The following TH variants were observed in gnomAD, a reference collection of about 807,000 sequenced individuals.
The protein encoded by TH is tyrosine hydroxylase, also known as tyrosine 3-monooxygenase.
Under a neutral mutation model 57.4 loss-of-function variants are expected in TH, and 49 were observed. That is an observed-to-expected ratio of 0.85 (90% CI 0.68 to 1.08). TH has a LOEUF of 1.08. TH is among the 50% of genes least tolerant of loss of function. The pLI is 0.00. For missense variants in TH, 720 were observed against 696.7 expected (o/e 1.03, Z -0.38); for synonymous variants, 330 against 304.5 (o/e 1.08, Z -0.87).
In TH at chr11:2,171,183, C is replaced by T. The variant is rs1249792347; in HGVS notation, c.90+514G>A. ...GCCCAGATACCCTTTGAATTTTGCC[C>T]CCTATTTGCCCAGGACCCCCCACCA... On this transcript the variant is annotated intron_variant, in intron 1 of 12. Transcript: ENST00000352909. The surrounding 1 kb of genome is among the most constrained non-coding windows in gnomAD (Gnocchi z 8.6). Among the ~76,000 whole-genome samples, 3 of 151,972 alleles carry T rather than the reference C, an allele frequency of 2.0e-5. No homozygotes were observed. Among genetic ancestry groups the T allele is most frequent in the Admixed American group, 1.3e-4 (2 of 15,262 alleles).
At chr11:2,165,148 C>T (rs1167819637) in intron 12 of TH, 84 bp downstream of exon 12, 1 of 1,603,916 alleles carries the variant, frequency 6.2e-7, no homozygotes, top group Non-Finnish European at 8.5e-7. Flanking sequence ...CTCACAGGTC[C>T]AGCCCTGCTC....
Position 2,168,528 on chromosome 11 carries a change from C to G in TH, c.450G>C (p.Gln150His). ...CGGGGCTGCGCACGTCCTCTGACAC[C>G]TGGCGCACACCACTGAGCAGGGCGG... ...DLAALLSGVR[Q>H]VSEDVRSPAG... is the part of the protein sequence containing the mutation. The change falls in exon 3 of 13, where the codon CAG becomes CAC. Residue 150 changes from glutamine (Q) to histidine (H), a missense_variant. By Grantham distance (24) the Gln-to-His change is conservative (BLOSUM62 0). Transcript: ENST00000352909. The G allele has an allele frequency of 6.2e-7, 1 of 1,612,350 alleles. No homozygotes were observed.
intron 12 of TH, 104 bp from the exon 13 acceptor site, chr11:2,164,496 G>T: frequency 7.3e-7 from 1 of 1,363,198 alleles, no homozygotes. Context: ...CAGTGGCTCA[G>T]AGCTCCCAGG....
In TH at chr11:2,170,241, T is replaced by C. The variant is rs569702460; in HGVS notation, c.91-370A>G. 1.2e-4 allele frequency among the ~76,000 whole-genome samples: 19 copies of C among 152,198 alleles called. No individual in the cohort carries two copies. The highest frequency in any genetic ancestry group is 4.6e-4 in the African/African-American group (19 of 41,524). On this transcript the variant is annotated intron_variant, in intron 1 of 12. Coordinates refer to ENST00000352909, the MANE Select transcript of TH (RefSeq NM_000360.4). This position sits in a 1 kb window ranked among gnomAD's most constrained non-coding sequence, Gnocchi z 6.0. ...AAGAGGGCGATGTCTTGATGGACAG[T>C]GGCATCGGCTGCCGGGGAGGGAACG...
At chr11:2,167,694 G>C in intron 5 of TH, 172 bp downstream of exon 5, 2 of 1,111,612 alleles carry the variant, frequency 1.8e-6, no homozygotes, top group South Asian at 2.8e-5. Context: ...CTGGGCCTCA[G>C]TTTCCCCACT....
chr11:2,169,475 G>T (rs970861787), intron 2 of TH, among the ~76,000 whole-genome samples, 175 bp downstream of exon 2: 1 of 152,102 alleles, frequency 6.6e-6, no homozygotes, highest in East Asian at 1.9e-4. Context: ...AAACACGGGG[G>T]TGTGGCTAGA....
rs1021029193 is a variant in TH, at chr11:2,167,906, G to C, written c.604C>G (p.Arg202Gly). 6.2e-7 allele frequency: 1 copy of C among 1,611,164 alleles called. No homozygotes were observed. ...PGFSDQVYRQ[R>G]RKLIAEIAFQ... is the part of the protein sequence containing the mutation. ...GCGATCTCAGCAATCAGCTTCCTGC[G>C]CTGGCGGTACACCTGGTCCGAGAAG... Residue 202 changes from arginine to glycine, a missense_variant, in exon 5 of 13, where the codon CGC becomes GGC. Coordinates refer to ENST00000352909, the MANE Select transcript of TH (RefSeq NM_000360.4).
intron 10 of TH, 37 bp downstream of exon 10, chr11:2,165,965 C>T (rs1203260525): frequency 6.4e-7 from 1 of 1,552,376 alleles, no homozygotes; most frequent in African/African-American, 1.4e-5. Flanking sequence ...GACCCCCAAA[C>T]CCACACCCCA....
At position 2,168,566 on chromosome 11, in the gene TH, G is replaced by A. The variant is rs775175165; in HGVS notation, c.412C>T (p.Arg138Ter). 2.5e-5 allele frequency: 40 copies of A among 1,611,662 alleles called. No individual in the cohort carries two copies. The highest frequency in any genetic ancestry group is 3.1e-5 in the Non-Finnish European group (37 of 1,179,640). The change falls in exon 3 of 13, where the codon CGA (arginine) becomes TGA (stop). Residue 138 changes from arginine to a stop codon, truncating the protein, a stop_gained. Coordinates refer to ENST00000352909, the MANE Select transcript of TH (RefSeq NM_000360.4). LOFTEE classifies it high-confidence loss of function. ...CTGAGCAGGGCGGCCAGGTCCCCTC[G>A]GCGCACCTCGAGGCGCACGAAGTAC... ...LEYFVRLEVR[R>*]GDLAALLSGV... is the part of the protein sequence containing the mutation.
At position 2,169,858 on chromosome 11, in the gene TH, A is replaced by G. The variant is rs747420332; in HGVS notation, c.104T>C (p.Ile35Thr). Residue 35 changes from isoleucine (I) to threonine (T), a missense_variant, in exon 2 of 13, where the codon ATT becomes ACT. Coordinates refer to ENST00000352909, the MANE Select transcript of TH (RefSeq NM_000360.4). ...QAEAIMSPRFIGRRQSLIEDA... is the reference protein window; with the variant it reads ...QAEAIMSPRFTGRRQSLIEDA... Reference sequence around the variant, plus strand: ...CTCGATGAGGCTCTGCCTGCGCCCAATGAACCGCGGGGACTGTGGGGACAA... The same window carrying G: ...CTCGATGAGGCTCTGCCTGCGCCCAGTGAACCGCGGGGACTGTGGGGACAA... 79 of 1,609,678 alleles carry G rather than the reference A, an allele frequency of 4.9e-5. No homozygotes were observed. The highest frequency in any genetic ancestry group is 2.0e-4 in the Admixed American group (12 of 59,886).
chr11:2,164,499 C>T, intron 12 of TH, 107 bp from the exon 13 acceptor site: 9 of 1,322,794 alleles, frequency 6.8e-6, no homozygotes, highest in Non-Finnish European at 9.1e-6. Flanking sequence ...TGGCTCAGAG[C>T]TCCCAGGGCT....
intron 2 of TH, among the ~76,000 whole-genome samples, chr11:2,169,043 G>C (rs1458451071): frequency 1.3e-5 from 2 of 152,178 alleles, no homozygotes; most frequent in South Asian, 2.1e-4. Flanking sequence ...TGGGCCCTGA[G>C]TCTCACTGGC....
rs763790386 is a variant in TH at position 2,169,812 on chromosome 11, C to T, written c.150G>A (p.Glu50=). 51 of 1,611,238 alleles carry T rather than the reference C, an allele frequency of 3.2e-5. No homozygotes were observed. Among genetic ancestry groups the T allele is most frequent in the Non-Finnish European group, 1.7e-6 (2 of 1,179,644 alleles). ...CAGCGGCCGCTGCTGCCACCGCCGCCTCCCGCTCCTTGCGGGCGTCCTCGA... is the reference window on the plus strand; with the variant it reads ...CAGCGGCCGCTGCTGCCACCGCCGCTTCCCGCTCCTTGCGGGCGTCCTCGA... ...SLIEDARKER[E]AAVAAAAAAV... Residue 50 remains glutamate (E), a synonymous_variant, in exon 2 of 13, where the codon GAG becomes GAA. Transcript: ENST00000352909.
chr11:2,168,824 G>T, intron 2 of TH, 159 bp from the exon 3 acceptor site: 2 of 959,358 alleles, frequency 2.1e-6, no homozygotes, highest in Non-Finnish European at 1.6e-6. Flanking sequence ...TCCAGGCTCA[G>T]GTCAGCTGTC....
At chr11:2,167,985 C>A (rs747589510) in intron 4 of TH, 52 bp from the exon 5 acceptor site, 1 of 1,609,816 alleles carries the variant, frequency 6.2e-7, no homozygotes, top group Admixed American at 1.7e-5. Flanking sequence ...GGTGGGGGCA[C>A]AGGCCACGGA....
intron 5 of TH, 190 bp from the exon 6 acceptor site, chr11:2,167,675 C>A: frequency 9.3e-7 from 1 of 1,076,154 alleles, no homozygotes; most frequent in South Asian, 1.5e-5. Context: ...GCAGGTTGCT[C>A]TAGCCCCCCT....
chr11:2,167,317 T>A (rs1564918467), intron 6 of TH, 118 bp downstream of exon 6: 7 of 1,256,974 alleles, frequency 5.6e-6, no homozygotes, highest in Non-Finnish European at 6.8e-6. Flanking sequence ...GTCCCTCTTC[T>A]TCCCGGCCTT....
intron 6 of TH, 181 bp from the exon 7 acceptor site, chr11:2,167,213 AG>A: frequency 9.6e-7 from 1 of 1,045,956 alleles, no homozygotes; most frequent in Non-Finnish European, 1.4e-6. Flanking sequence ...CCCAGGGGAT[AG>A]GGGGCCATGA....
Position 2,169,824 on chromosome 11 carries a change from G to A in TH, c.138C>T (p.Arg46=). ...CTGCCACCGCCGCCTCCCGCTCCTT[G>A]CGGGCGTCCTCGATGAGGCTCTGCC... ...GRRQSLIEDA[R]KEREAAVAAA... Residue 46 remains arginine (R), a synonymous_variant, in exon 2 of 13, where the codon CGC becomes CGT. Coordinates refer to ENST00000352909, the MANE Select transcript of TH (RefSeq NM_000360.4). 6.2e-7 allele frequency: 1 copy of A among 1,611,158 alleles called. No homozygotes were observed. The highest frequency in any genetic ancestry group is 8.5e-7 in the Non-Finnish European group (1 of 1,179,662).
Sources: gnomAD v4.1 joint callset for allele counts (sites outside exome capture counted in the v4.1 genomes callset) on GRCh38, gnomAD v4.1.1 for gene constraint, Gnocchi (gnomAD v3.1) non-coding constraint, MANE v1.5 for transcripts, NCBI Gene and HGNC (gene_info 2026-07-23, HGNC 2026-07-21) for gene names.